The following CBFA2T2 variants were observed in gnomAD, a reference collection of about 807,000 sequenced individuals.
CBFA2T2 encodes CBFA2/RUNX1 partner transcriptional co-repressor 2, also known as protein CBFA2T2.
CBFA2T2 carries 11 observed loss-of-function variants against 62.2 expected under a neutral mutation model. The observed-to-expected ratio is 0.18, with a 90% CI of 0.11 to 0.29. CBFA2T2 has a LOEUF of 0.29. Ranked by LOEUF, CBFA2T2 falls within the 10% of genes least tolerant of loss-of-function variation. CBFA2T2 has a pLI of 1.00. For synonymous variants in CBFA2T2, 295 were observed against 287.5 expected (o/e 1.03, Z -0.27); for missense variants, 592 against 774.1 (o/e 0.76, Z 2.79).
intron 1 of CBFA2T2, among the ~76,000 whole-genome samples, chr20:33,512,585 A>G (rs1167343934): frequency 6.6e-6 from 1 of 152,106 alleles, no homozygotes; most frequent in Non-Finnish European, 1.5e-5. Context: ...TGTGTTAGTA[A>G]TAATAGTCCA....
chr20:33,500,137 T>C (rs1050719680), intron 1 of CBFA2T2, among the ~76,000 whole-genome samples: 1 of 152,006 alleles, frequency 6.6e-6, no homozygotes, highest in Non-Finnish European at 1.5e-5. Context: ...TTTGTATTTT[T>C]AGTAAAGACG....
chr20:33,503,572 G>GC (rs1166884181), intron 1 of CBFA2T2, among the ~76,000 whole-genome samples: 1 of 151,636 alleles, frequency 6.6e-6, no homozygotes, highest in Non-Finnish European at 1.5e-5. Context: ...GTATTTTTAG[G>GC]AAAAAAATTA....
At chr20:33,504,623 G>A (rs1014544333) in intron 1 of CBFA2T2, among the ~76,000 whole-genome samples, 1 of 151,784 alleles carries the variant, frequency 6.6e-6, no homozygotes, top group Non-Finnish European at 1.5e-5. Flanking sequence ...AGACTGTCTC[G>A]AAATCCTGAC....
At chr20:33,632,766 A>G (rs1445329969) in intron 8 of CBFA2T2, among the ~76,000 whole-genome samples, 2 of 150,918 alleles carry the variant, frequency 1.3e-5, no homozygotes, top group Non-Finnish European at 3.0e-5. Context: ...ACTTTTAAAT[A>G]AGTAATTAGT....
At chr20:33,598,666 A>T (rs567645622) in intron 1 of CBFA2T2, among the ~76,000 whole-genome samples, 48 of 152,318 alleles carry the variant, frequency 3.2e-4, no homozygotes, top group African/African-American at 1.0e-3. Flanking sequence ...TGACAGGATT[A>T]AGAGATTAAA....
chr20:33,600,058 C>T (rs905180979), intron 1 of CBFA2T2, among the ~76,000 whole-genome samples: 1 of 152,028 alleles, frequency 6.6e-6, no homozygotes, highest in African/African-American at 2.4e-5. Flanking sequence ...ATGGTAAATG[C>T]TCATCCTTAA....
intron 1 of CBFA2T2, among the ~76,000 whole-genome samples, chr20:33,504,139 T>C (rs927966400): frequency 1.3e-5 from 2 of 152,132 alleles, no homozygotes; most frequent in African/African-American, 4.8e-5. Flanking sequence ...TATGTAACCT[T>C]TGTGTCTGAT....
At chr20:33,588,451 A>G (rs1319020647) in intron 1 of CBFA2T2, among the ~76,000 whole-genome samples, 1 of 151,856 alleles carries the variant, frequency 6.6e-6, no homozygotes, top group African/African-American at 2.4e-5. Flanking sequence ...ATATATGTTA[A>G]CCACAAAAGT....
intron 1 of CBFA2T2, among the ~76,000 whole-genome samples, chr20:33,587,093 C>A (rs994268181): frequency 5.3e-5 from 8 of 152,068 alleles, no homozygotes; most frequent in Non-Finnish European, 8.8e-5. Context: ...AGGCACCCCC[C>A]ACCATGCCTG....
At chr20:33,604,267 T>C (rs1305775329) in intron 1 of CBFA2T2, among the ~76,000 whole-genome samples, 1 of 152,196 alleles carries the variant, frequency 6.6e-6, no homozygotes, top group African/African-American at 2.4e-5. Flanking sequence ...TCATTCCTGT[T>C]AATTAAGCAC....
chr20:33,604,815 T>C (rs894413944), intron 1 of CBFA2T2, among the ~76,000 whole-genome samples: 3 of 152,322 alleles, frequency 2.0e-5, no homozygotes, highest in Admixed American at 2.0e-4. Flanking sequence ...AGTTCCTTCC[T>C]TTCCTTCTCC....
chr20:33,529,234 C>A (rs2011974945), intron 1 of CBFA2T2, among the ~76,000 whole-genome samples: 1 of 151,930 alleles, frequency 6.6e-6, no homozygotes, highest in South Asian at 2.1e-4. Context: ...ACTGTGTTAG[C>A]CAGGATGGTC....
At chr20:33,635,587 G>T (rs1391370204) in intron 8 of CBFA2T2, among the ~76,000 whole-genome samples, 4 of 152,214 alleles carry the variant, frequency 2.6e-5, no homozygotes, top group Non-Finnish European at 4.4e-5. Flanking sequence ...TTACATAGCA[G>T]CCTGGCACAA....
At chr20:33,616,199 A>G (rs1299440462) in intron 3 of CBFA2T2, among the ~76,000 whole-genome samples, 6 of 152,202 alleles carry the variant, frequency 3.9e-5, no homozygotes. Flanking sequence ...ATACATATAT[A>G]TATACATAGG....
intron 1 of CBFA2T2, among the ~76,000 whole-genome samples, chr20:33,524,547 C>T (rs75446202): frequency 6.6e-6 from 1 of 152,060 alleles, no homozygotes; most frequent in Non-Finnish European, 1.5e-5. Context: ...CATGAACTTG[C>T]AAACGTTGTT....
intron 1 of CBFA2T2, among the ~76,000 whole-genome samples, chr20:33,598,787 T>G (rs1030631477): frequency 6.6e-6 from 1 of 152,146 alleles, no homozygotes; most frequent in Non-Finnish European, 1.5e-5. Context: ...GCATAAGAAA[T>G]AAAAGTATTA....
At chr20:33,540,815 T>C (rs2012392242) in intron 1 of CBFA2T2, among the ~76,000 whole-genome samples, 1 of 152,192 alleles carries the variant, frequency 6.6e-6, no homozygotes, top group African/African-American at 2.4e-5. Context: ...ATTTGATATC[T>C]AGGGTACTTG....
At chr20:33,545,301 A>G (rs1169007284) in intron 1 of CBFA2T2, among the ~76,000 whole-genome samples, 1 of 152,204 alleles carries the variant, frequency 6.6e-6, no homozygotes, top group Admixed American at 6.5e-5. Context: ...ATGCCACTAG[A>G]TAATTTTTGA....
chr20:33,626,935 C>T (rs2016254802), intron 6 of CBFA2T2, among the ~76,000 whole-genome samples: 1 of 152,190 alleles, frequency 6.6e-6, no homozygotes, highest in South Asian at 2.1e-4. Flanking sequence ...CCCCTTTTTA[C>T]AGATGAAGGA....
Sources: gnomAD v4.1 joint callset for allele counts (sites outside exome capture counted in the v4.1 genomes callset) on GRCh38, gnomAD v4.1.1 for gene constraint, MANE v1.5 for transcripts, NCBI Gene and HGNC (gene_info 2026-07-23, HGNC 2026-07-21) for gene names.